Variants in PILRA observed in about 807,000 individuals in gnomAD.
The protein encoded by PILRA is paired immunoglobin like type 2 receptor alpha.
PILRA carries 37 observed loss-of-function variants against 33.1 expected under a neutral mutation model. That is an observed-to-expected ratio of 1.12 (90% CI 0.86 to 1.47). PILRA has a LOEUF of 1.47. Among genes scored for constraint, PILRA ranks in the 40% most tolerant of loss-of-function variants. The probability of loss-of-function intolerance (pLI) is 0.00; values close to 1 mark genes in which losing one functional copy is unlikely to be tolerated. For synonymous variants in PILRA, 146 were observed against 149.9 expected (o/e 0.97, Z 0.19); for missense variants, 312 against 376.2 (o/e 0.83, Z 1.41).
At chr7:100,394,183 G>A (rs1791444866) in intron 3 of PILRA, among the ~76,000 whole-genome samples, 1 of 152,200 alleles carries the variant, frequency 6.6e-6, no homozygotes, top group Non-Finnish European at 1.5e-5. Context: ...AGGCAGGAAT[G>A]AAGAGCAGAG....
At chr7:100,390,779 C>T (rs1284848366) in intron 3 of PILRA, among the ~76,000 whole-genome samples, 3 of 151,982 alleles carry the variant, frequency 2.0e-5, no homozygotes, top group East Asian at 1.9e-4. Context: ...GAAACCATTC[C>T]AGGAGCTGCA....
rs1790892806 is a variant in PILRA at position 100,374,261 on chromosome 7, G to A, written c.282G>A (p.Val94=). ...TRPPSIHKDY[V]NRLFLNWTEG... ...CGCCTTCCATTCACAAGGATTATGT[G>A]AACCGGCTCTTTCTGAACTGGACAG... is the stretch of plus-strand genomic sequence containing the variant. Residue 94 remains valine (V), a synonymous_variant, in exon 2 of 7, where the codon GTG becomes GTA. Transcript: ENST00000198536. The A allele has an allele frequency of 1.2e-6, 2 of 1,614,154 alleles. No individual in the cohort carries two copies. The highest frequency in any genetic ancestry group is 1.7e-6 in the Non-Finnish European group (2 of 1,180,022).
At chr7:100,380,704 G>A (rs1249179288) in intron 2 of PILRA, among the ~76,000 whole-genome samples, 1 of 152,110 alleles carries the variant, frequency 6.6e-6, no homozygotes, top group African/African-American at 2.4e-5. Flanking sequence ...GATAGTTCAC[G>A]TCTGTAATCC....
intron 2 of PILRA, among the ~76,000 whole-genome samples, chr7:100,384,562 A>T (rs916737827): frequency 6.6e-6 from 1 of 151,128 alleles, no homozygotes; most frequent in African/African-American, 2.4e-5. Context: ...CACCTGGCTA[A>T]TTTTTTTTCA....
intron 3 of PILRA, among the ~76,000 whole-genome samples, chr7:100,396,257 T>C (rs1169136985): frequency 6.6e-6 from 1 of 152,216 alleles, no homozygotes; most frequent in Non-Finnish European, 1.5e-5. Flanking sequence ...GCAACACTAT[T>C]TTCAATGGCC....
At chr7:100,371,781 G>C (rs1790820112), upstream of PILRA, among the ~76,000 whole-genome samples, 1 of 152,220 alleles carries the variant, frequency 6.6e-6, no homozygotes, top group African/African-American at 2.4e-5. Flanking sequence ...TGTCACTGCT[G>C]TTGGGGGAGG....
intron 2 of PILRA, among the ~76,000 whole-genome samples, chr7:100,386,715 C>T (rs1212243003): frequency 1.3e-5 from 2 of 150,688 alleles, no homozygotes; most frequent in African/African-American, 2.4e-5. Context: ...CCAGGGGGAG[C>T]GGGGGTCTCA....
At chr7:100,381,528 T>G (rs1459866326) in intron 2 of PILRA, among the ~76,000 whole-genome samples, 4 of 151,940 alleles carry the variant, frequency 2.6e-5, no homozygotes, top group Non-Finnish European at 5.9e-5. Context: ...GAAATTTACT[T>G]TTGAGTGTGG....
At chr7:100,378,416 G>T (rs1222344541) in intron 2 of PILRA, among the ~76,000 whole-genome samples, 1 of 151,992 alleles carries the variant, frequency 6.6e-6, no homozygotes, top group Non-Finnish European at 1.5e-5. Flanking sequence ...CCCAATGTTA[G>T]AATAAGTTTA....
Position 100,389,903 on chromosome 7 carries a change from C to G in PILRA, c.470C>G (p.Thr157Ser). The G allele has an allele frequency of 1.2e-6, 2 of 1,613,950 alleles. No homozygotes were observed. The highest frequency in any genetic ancestry group is 1.7e-6 in the Non-Finnish European group (2 of 1,179,940). The change falls in exon 3 of 7, where the codon ACC becomes AGC. Residue 157 changes from threonine to serine, a missense_variant. By Grantham distance (58) the Thr-to-Ser change is moderately conservative. Transcript: ENST00000198536. Reference protein sequence around the residue: ...LSITQAVTTTTQRPSSMTTTW... With the variant: ...LSITQAVTTTSQRPSSMTTTW... ...CTCTCCCCAGCTGTCACGACCACCACCCAGAGGCCCAGCAGCATGACTACC... is the reference window on the plus strand; with the variant it reads ...CTCTCCCCAGCTGTCACGACCACCAGCCAGAGGCCCAGCAGCATGACTACC...
intron 2 of PILRA, among the ~76,000 whole-genome samples, chr7:100,389,139 C>T (rs1372536779): frequency 3.9e-5 from 6 of 152,244 alleles, no homozygotes; most frequent in South Asian, 2.1e-4. Flanking sequence ...TCCGTTAAGA[C>T]GTGGGGCTGT....
At chr7:100,397,936 T>C (rs1043231963) in intron 4 of PILRA, 24 bp downstream of exon 4, 10 of 1,613,012 alleles carry the variant, frequency 6.2e-6, no homozygotes, top group Non-Finnish European at 8.5e-6. Flanking sequence ...CTCCCCAGGG[T>C]GGGTTGGGGG....
At chr7:100,398,826 C>A (rs1429853311) in intron 4 of PILRA, among the ~76,000 whole-genome samples, 8 of 152,146 alleles carry the variant, frequency 5.3e-5, no homozygotes, top group Non-Finnish European at 1.0e-4. Flanking sequence ...ATTCCTCTTC[C>A]AAGCAGCCTC....
intron 3 of PILRA, among the ~76,000 whole-genome samples, chr7:100,397,468 C>T (rs1413163863): frequency 1.3e-5 from 2 of 151,838 alleles, no homozygotes; most frequent in East Asian, 3.9e-4. Flanking sequence ...GCAGACATAG[C>T]CGCCACCCAG....
Position 100,390,008 on chromosome 7 carries a change from T to G in PILRA, c.575T>G (p.Ile192Arg). The change falls in exon 3 of 7, where the codon ATA (isoleucine) becomes AGA (arginine). Residue 192 changes from isoleucine (I) to arginine (R), a missense_variant. Physicochemically the swap from Ile to Arg is moderately conservative, Grantham distance 97. Coordinates refer to ENST00000198536, the MANE Select transcript of PILRA (RefSeq NM_013439.3). ...AAACGACGCTCAGACTCTTGGCACATAAGTCTGGAGACTGCTGTGGGGGTG... is the reference window on the plus strand; with the variant it reads ...AAACGACGCTCAGACTCTTGGCACAGAAGTCTGGAGACTGCTGTGGGGGTG... ...QGKRRSDSWH[I>R]SLETAVGVAV... The G allele has an allele frequency of 6.2e-7, 1 of 1,614,026 alleles. No individual in the cohort carries two copies. Among genetic ancestry groups the G allele is most frequent in the Non-Finnish European group, 8.5e-7 (1 of 1,179,958 alleles).
At chr7:100,397,029 G>A (rs1473219801) in intron 3 of PILRA, among the ~76,000 whole-genome samples, 1 of 150,012 alleles carries the variant, frequency 6.7e-6, no homozygotes, top group African/African-American at 2.5e-5. Flanking sequence ...AACCTAAAGA[G>A]AGGGAAAAAA....
intron 2 of PILRA, among the ~76,000 whole-genome samples, chr7:100,387,420 G>A (rs905877091): frequency 6.6e-6 from 1 of 152,160 alleles, no homozygotes; most frequent in Non-Finnish European, 1.5e-5. Context: ...CACCATGTTG[G>A]CCAGGCTGCT....
At chr7:100,388,924 T>C (rs1328199611) in intron 2 of PILRA, among the ~76,000 whole-genome samples, 3 of 152,090 alleles carry the variant, frequency 2.0e-5, no homozygotes, top group Non-Finnish European at 4.4e-5. Flanking sequence ...TTGAGGTGGA[T>C]TGTTAAGCCA....
intron 2 of PILRA, among the ~76,000 whole-genome samples, chr7:100,383,760 C>G (rs113635013): frequency 2.0e-5 from 3 of 152,016 alleles, no homozygotes; most frequent in African/African-American, 7.3e-5. Context: ...CATCAGCCTC[C>G]TGAGTAGCTG....
Sources: gnomAD v4.1 joint callset for allele counts (sites outside exome capture counted in the v4.1 genomes callset) on GRCh38, gnomAD v4.1.1 for gene constraint, MANE v1.5 for transcripts, NCBI Gene and HGNC (gene_info 2026-07-23, HGNC 2026-07-21) for gene names.